TOMM20L: variants seen among roughly 807,000 people sequenced by gnomAD.
TOMM20L encodes TOMM20-like protein 1.
In TOMM20L, 19 loss-of-function variants were observed where a neutral mutation model predicts 20.4. The ratio of observed to expected loss-of-function variants is 0.93; its 90% CI spans 0.65 to 1.36. TOMM20L has a LOEUF of 1.36. Among genes scored for constraint, TOMM20L ranks in the 40% most tolerant of loss-of-function variants. TOMM20L has a pLI of 0.00. For missense variants in TOMM20L, 218 were observed against 203.7 expected (o/e 1.07, Z -0.43); for synonymous variants, 75 against 79.6 (o/e 0.94, Z 0.30).
chr14:58,414,867 C>G, the TOMM20L span, among the ~76,000 whole-genome samples: 5 of 152,198 alleles, frequency 3.3e-5, no homozygotes, highest in Admixed American at 3.3e-4. Context: ...GGAAACCACA[C>G]AGGGAGCCTG....
the TOMM20L span, among the ~76,000 whole-genome samples, chr14:58,416,281 T>C: frequency 1.3e-5 from 2 of 151,968 alleles, no homozygotes; most frequent in African/African-American, 4.8e-5. Context: ...CAAAAAGCCA[T>C]TGAAAGCAGC....
At chr14:58,412,537 G>T (rs1433710750), downstream of TOMM20L, among the ~76,000 whole-genome samples, 4 of 152,132 alleles carry the variant, frequency 2.6e-5, no homozygotes, top group African/African-American at 9.7e-5. Context: ...TTGCTAAGCT[G>T]CTTGTTTAAA....
chr14:58,396,364 A>T (rs1202970489), intron 2 of TOMM20L, 23 bp downstream of exon 2: 7 of 1,612,674 alleles, frequency 4.3e-6, no homozygotes. Context: ...CGATCCGCAC[A>T]GGTAGCTCAG....
intron 3 of TOMM20L, among the ~76,000 whole-genome samples, chr14:58,403,577 G>A (rs1401732662): frequency 6.6e-6 from 1 of 151,934 alleles, no homozygotes; most frequent in Non-Finnish European, 1.5e-5. Context: ...GGTGGCTAAC[G>A]CCTGTAATCC....
chr14:58,398,338 T>C (rs2035952116), intron 2 of TOMM20L, among the ~76,000 whole-genome samples: 1 of 152,228 alleles, frequency 6.6e-6, no homozygotes, highest in African/African-American at 2.4e-5. Context: ...TGTTGAATAT[T>C]GTTGTTCATT....
At chr14:58,409,537 A>G (rs1267905040), downstream of TOMM20L, among the ~76,000 whole-genome samples, 1 of 152,128 alleles carries the variant, frequency 6.6e-6, no homozygotes, top group Admixed American at 6.6e-5. Flanking sequence ...TGAGAAAACA[A>G]CATTCTTAAT....
downstream of TOMM20L, chr14:58,408,998 C>T (rs1290544918): frequency 1.3e-6 from 2 of 1,591,028 alleles, no homozygotes; most frequent in African/African-American, 2.7e-5. Context: ...CAGCTGTTGG[C>T]AATCTTTCAT....
At chr14:58,403,313 T>C (rs913181953) in intron 3 of TOMM20L, among the ~76,000 whole-genome samples, 1 of 152,166 alleles carries the variant, frequency 6.6e-6, no homozygotes, top group Non-Finnish European at 1.5e-5. Flanking sequence ...AGCCATCATC[T>C]TGCCACTATA....
chr14:58,411,396 C>T (rs1393185742), downstream of TOMM20L, among the ~76,000 whole-genome samples: 1 of 151,388 alleles, frequency 6.6e-6, no homozygotes, highest in Non-Finnish European at 1.5e-5. Context: ...TGCAGTGAAC[C>T]AAGATCGTGC....
At chr14:58,396,866 G>A (rs2035933057) in intron 2 of TOMM20L, among the ~76,000 whole-genome samples, 1 of 152,224 alleles carries the variant, frequency 6.6e-6, no homozygotes. Context: ...AGGCAAGGCG[G>A]GCAGATCACG....
At chr14:58,410,961 T>C (rs768932922), downstream of TOMM20L, 2 of 1,552,732 alleles carry the variant, frequency 1.3e-6, no homozygotes. Flanking sequence ...CAGAATGTTC[T>C]TTAGTATTTG....
intron 2 of TOMM20L, chr14:58,398,542 C>G (rs1475277639): frequency 2.0e-5 from 3 of 152,082 alleles, no homozygotes; most frequent in Admixed American, 2.0e-4. Flanking sequence ...TTTCAGAGAA[C>G]AGACACAATT....
chr14:58,414,140 T>C, the TOMM20L span, among the ~76,000 whole-genome samples: 1 of 151,902 alleles, frequency 6.6e-6, no homozygotes, highest in African/African-American at 2.4e-5. Context: ...ATACATTTTA[T>C]TTAGTTAAGA....
At chr14:58,403,731 G>A (rs1045047654) in intron 3 of TOMM20L, among the ~76,000 whole-genome samples, 1 of 151,790 alleles carries the variant, frequency 6.6e-6, no homozygotes, top group Non-Finnish European at 1.5e-5. Context: ...CCAGCTACTT[G>A]GGAGGCTGAG....
At chr14:58,407,070 T>C (rs1300877208) in intron 3 of TOMM20L, among the ~76,000 whole-genome samples, 3 of 152,240 alleles carry the variant, frequency 2.0e-5, no homozygotes, top group Non-Finnish European at 2.9e-5. Flanking sequence ...AACACGAGCA[T>C]TTCCAATGCA....
intron 2 of TOMM20L, chr14:58,398,845 G>A (rs2035957246): frequency 6.6e-6 from 1 of 151,670 alleles, no homozygotes; most frequent in African/African-American, 2.4e-5. Context: ...AGCACAAGCA[G>A]GATTTTCAAA....
intron 3 of TOMM20L, among the ~76,000 whole-genome samples, chr14:58,404,986 G>A (rs945601362): frequency 5.9e-5 from 7 of 118,468 alleles, no homozygotes; most frequent in African/African-American, 2.3e-4. Context: ...TTTTTTTTTT[G>A]AGATGGAGTT....
At chr14:58,396,401 T>G (rs2035921543) in intron 2 of TOMM20L, 60 bp downstream of exon 2, 1 of 1,594,660 alleles carries the variant, frequency 6.3e-7, no homozygotes, top group Non-Finnish European at 8.6e-7. Context: ...CTCGCTGGGT[T>G]GCTTGGCTCC....
intron 1 of TOMM20L, 51 bp downstream of exon 1, chr14:58,396,144 C>CT (rs1038254375): frequency 4.7e-6 from 6 of 1,277,852 alleles, no homozygotes; most frequent in Non-Finnish European, 5.9e-6. Flanking sequence ...CGCGGGCGGG[C>CT]TGCCGGCCGG....
Sources: gnomAD v4.1 joint callset for allele counts (sites outside exome capture counted in the v4.1 genomes callset) on GRCh38, gnomAD v4.1.1 for gene constraint, MANE v1.5 for transcripts, NCBI Gene and HGNC (gene_info 2026-07-23, HGNC 2026-07-21) for gene names.